The following AHRR variants were observed in gnomAD, a reference collection of about 807,000 sequenced individuals.
AHRR encodes the protein aryl hydrocarbon receptor repressor.
Under a neutral mutation model 44.0 loss-of-function variants are expected in AHRR, and 28 were observed. The ratio of observed to expected loss-of-function variants is 0.64; its 90% CI spans 0.47 to 0.87. The LOEUF (loss-of-function observed/expected upper bound fraction) is 0.87. Ranked by LOEUF, AHRR falls within the 40% of genes least tolerant of loss-of-function variation. AHRR has a pLI of 0.00. For synonymous variants in AHRR, 434 were observed against 407.0 expected (o/e 1.07, Z -0.80); for missense variants, 990 against 953.9 (o/e 1.04, Z -0.50).
At chr5:424,341 C>T (rs1360513104) in intron 7 of AHRR, among the ~76,000 whole-genome samples, 3 of 135,528 alleles carry the variant, frequency 2.2e-5, no homozygotes, top group South Asian at 2.4e-4. Context: ...GGGCACTGAG[C>T]TCTGTGCACC....
At chr5:414,131 C>CAG (rs1185061888) in intron 5 of AHRR, among the ~76,000 whole-genome samples, 1 of 152,016 alleles carries the variant, frequency 6.6e-6, no homozygotes, top group East Asian at 1.9e-4. Flanking sequence ...GGTGTGGTGG[C>CAG]GTGCACCCGT....
At chr5:346,887 A>T (rs970672779) in intron 2 of AHRR, among the ~76,000 whole-genome samples, 1 of 152,144 alleles carries the variant, frequency 6.6e-6, no homozygotes, top group Admixed American at 6.5e-5. Context: ...CCGGGGTCTC[A>T]TGTCTTCTTC....
In AHRR at chr5:434,050, G is replaced by C; in HGVS notation, c.1310G>C (p.Cys437Ser). The change falls in exon 11 of 11, where the codon TGC (cysteine) becomes TCC (serine). Residue 437 changes from cysteine (C) to serine (S), a missense_variant. Physicochemically the swap from Cys to Ser is moderately radical, Grantham distance 112. Coordinates refer to ENST00000684583, the MANE Select transcript of AHRR (RefSeq NM_001377236.1). The stretch of plus-strand genomic sequence containing the variant: ...ATGCCCCGCGGCTCCTGCCTGCCCT[G>C]CCCGTGTGTCCAGGGCACTTTCAGG... ...RPMPRGSCLP[C>S]PCVQGTFRNS... 1 of 1,612,000 alleles carries C rather than the reference G, an allele frequency of 6.2e-7. No individual in the cohort carries two copies. The highest frequency in any genetic ancestry group is 8.5e-7 in the Non-Finnish European group (1 of 1,179,576).
intron 3 of AHRR, 74 bp from the exon 4 acceptor site, chr5:376,536 G>C: frequency 4.1e-6 from 6 of 1,472,878 alleles, no homozygotes; most frequent in Non-Finnish European, 4.6e-6. Context: ...GGGAAACACA[G>C]GAAAGATGTG....
Position 337,078 on chromosome 5 carries a change from GT to G in AHRR, c.-10-6806del, listed in dbSNP as rs533821146. Among the ~76,000 whole-genome samples the G allele has an allele frequency of 2.1e-4, 32 of 150,734 alleles. 1 individual carries two copies. Among genetic ancestry groups the G allele is most frequent in the Admixed American group, 6.0e-4 (9 of 15,110 alleles). ...ATGCCACAGTTTCTTTCTTTTTAAT[GT>G]TTTTTTTTAAAGCCAAACATTTTAT... On this transcript the variant is annotated intron_variant, in intron 1 of 10. Coordinates refer to ENST00000684583, the MANE Select transcript of AHRR (RefSeq NM_001377236.1). This position sits in a 1 kb window ranked among gnomAD's most constrained non-coding sequence, Gnocchi z 4.1.
In AHRR at chr5:366,732, G is replaced by A. The variant is rs376936744; in HGVS notation, c.245-9878G>A. On this transcript the variant is annotated intron_variant, in intron 3 of 10. Coordinates refer to ENST00000684583, the MANE Select transcript of AHRR (RefSeq NM_001377236.1). ...GGAATAAGCCGGCATTGTGCACCCC[G>A]CAACAGGATGAGTGGGTGGAGCACA... Among the ~76,000 whole-genome samples the A allele has an allele frequency of 8.5e-5, 13 of 152,292 alleles. No homozygotes were observed. The East Asian group carries it at 1.7e-3, about 20-fold the overall frequency.
chr5:329,269 G>A (rs1237265206), intron 1 of AHRR, among the ~76,000 whole-genome samples: 2 of 152,128 alleles, frequency 1.3e-5, no homozygotes, highest in Admixed American at 6.6e-5. Context: ...TTGGCGCATA[G>A]CTCACTGCAA....
At chr5:371,374 G>A (rs1743576369) in intron 3 of AHRR, among the ~76,000 whole-genome samples, 1 of 152,224 alleles carries the variant, frequency 6.6e-6, no homozygotes, top group Non-Finnish European at 1.5e-5. Context: ...TCATTAGTTC[G>A]AGGGCCGGCT....
At chr5:421,143 AGCCGCCCCGCCTGGGAG>A (rs1736091975) in intron 5 of AHRR, 1 of 567,104 alleles carries the variant, frequency 1.8e-6, no homozygotes, top group African/African-American at 2.0e-5. Flanking sequence ...CTGGAAGAGG[AGCCGCCCCGCCTGGGAG>A]GCCGCTCTGG....
chr5:375,430 G>A (rs1210879985), intron 3 of AHRR, among the ~76,000 whole-genome samples: 3 of 152,182 alleles, frequency 2.0e-5, no homozygotes, highest in Non-Finnish European at 4.4e-5. Context: ...TTTGGAAAGG[G>A]CTGTGTCTCC....
chr5:413,498 T>C (rs1735560758), intron 5 of AHRR, 65 bp downstream of exon 5: 1 of 1,258,158 alleles, frequency 7.9e-7, no homozygotes, highest in Admixed American at 2.0e-5. Context: ...TTGTAAATGT[T>C]TGTTGTCGTC....
chr5:381,585 G>A (rs145319075), intron 4 of AHRR, among the ~76,000 whole-genome samples: 1,426 of 125,888 alleles, frequency 0.011, 10 homozygotes, highest in Admixed American at 0.016. Flanking sequence ...GTGCAATCTC[G>A]GTTCACTGCA....
At chr5:378,837 G>C (rs1048853639) in intron 4 of AHRR, among the ~76,000 whole-genome samples, 1 of 152,202 alleles carries the variant, frequency 6.6e-6, no homozygotes, top group South Asian at 2.1e-4. Context: ...GGCCTGTCTC[G>C]GGCTAGGATG....
chr5:422,821 C>T lies in AHRR; in HGVS notation c.534C>T (p.Pro178=). The T allele has an allele frequency of 3.7e-6, 6 of 1,614,050 alleles. No individual in the cohort carries two copies. Among genetic ancestry groups the T allele is most frequent in the Non-Finnish European group, 5.1e-6 (6 of 1,179,976 alleles). The change falls in exon 6 of 11, where the codon CCC becomes CCT. Residue 178 remains proline, a synonymous_variant. Coordinates refer to ENST00000684583, the MANE Select transcript of AHRR (RefSeq NM_001377236.1). ...AGCTCCACTGGGCCATGGACCCTCC[C>T]CAGGTGGTGTTTGGGCAGCCCCCGC... ...CRQLHWAMDP[P]QVVFGQPPPL... is the part of the protein sequence containing the mutation.
intron 5 of AHRR, chr5:421,351 T>C: frequency 1.5e-6 from 1 of 683,678 alleles, no homozygotes; most frequent in Non-Finnish European, 2.7e-6. Flanking sequence ...GTGGGTATCA[T>C]CCCTCCACGT....
chr5:400,554 C>T (rs2561673), intron 4 of AHRR, among the ~76,000 whole-genome samples: 43,656 of 151,628 alleles, frequency 0.29, 8,500 homozygotes, highest in African/African-American at 0.56. Context: ...CCATGGACCA[C>T]GTTTAAAAAA....
intron 4 of AHRR, among the ~76,000 whole-genome samples, chr5:381,506 C>CTTT (rs781159124): frequency 0.14 from 6,403 of 46,868 alleles, 2,356 homozygotes; most frequent in South Asian, 0.19. Flanking sequence ...CTTAGGTTTG[C>CTTT]TTTTTTTTTT....
intron 2 of AHRR, among the ~76,000 whole-genome samples, chr5:347,525 GAAAGAGGAAA>G (rs754711781): frequency 7.2e-5 from 11 of 152,066 alleles, no homozygotes; most frequent in Non-Finnish European, 1.2e-4. Flanking sequence ...ACTTGGGGAA[GAAAGAGGAAA>G]AAAGAGGGAA....
Position 427,896 on chromosome 5 carries a change from G to T in AHRR, c.798G>T (p.Leu266=). ...CCATGCTCCCGCCGCGGCTGTCGCT[G>T]TTCTGCATTGCGGCACCCGTTCTCC... The part of the protein sequence containing the change: ...SGAMLPPRLS[L]FCIAAPVLLP... The change falls in exon 8 of 11, where the codon CTG becomes CTT. Residue 266 remains leucine (L), a synonymous_variant. Coordinates refer to ENST00000684583, the MANE Select transcript of AHRR (RefSeq NM_001377236.1). 1 of 1,614,158 alleles carries T rather than the reference G, an allele frequency of 6.2e-7. No homozygotes were observed. The highest frequency in any genetic ancestry group is 8.5e-7 in the Non-Finnish European group (1 of 1,180,042).
Sources: gnomAD v4.1 joint callset for allele counts (sites outside exome capture counted in the v4.1 genomes callset) on GRCh38, gnomAD v4.1.1 for gene constraint, Gnocchi (gnomAD v3.1) non-coding constraint, MANE v1.5 for transcripts, NCBI Gene and HGNC (gene_info 2026-07-23, HGNC 2026-07-21) for gene names.